The following FIGN variants were observed in gnomAD, a reference collection of about 807,000 sequenced individuals.
FIGN encodes fidgetin, microtubule severing factor, also known as fidgetin.
Under a neutral mutation model 51.3 loss-of-function variants are expected in FIGN, and 11 were observed. The observed-to-expected ratio is 0.21, with a 90% CI of 0.13 to 0.35. The LOEUF (loss-of-function observed/expected upper bound fraction) is 0.35. FIGN is among the 10% of genes least tolerant of loss of function. FIGN has a pLI of 1.00. For synonymous variants in FIGN, 407 were observed against 363.2 expected (o/e 1.12, Z -1.37); for missense variants, 857 against 943.6 (o/e 0.91, Z 1.20).
intron 2 of FIGN, among the ~76,000 whole-genome samples, chr2:163,664,240 T>C (rs902441125): frequency 4.6e-5 from 7 of 152,262 alleles, no homozygotes; most frequent in African/African-American, 1.7e-4. Context: ...AAAAGAACAA[T>C]GACAGTTGAA....
Position 163,611,396 on chromosome 2 carries a change from C to T in FIGN, c.436G>A (p.Ala146Thr). ...ACCCCAGGAGAGCTTCCTATACTCG[C>T]AGAGACATCTGCTGGAGGGAGGGCT... is the stretch of plus-strand genomic sequence containing the variant. ...SSALPPADVS[A>T]SIGSSPGVAS... Residue 146 changes from alanine to threonine, a missense_variant, in exon 3 of 3, where the codon GCG (alanine) becomes ACG (threonine). Physicochemically the swap from Ala to Thr is moderately conservative, Grantham distance 58. Transcript: ENST00000333129. The T allele has an allele frequency of 6.2e-7, 1 of 1,614,150 alleles. No homozygotes were observed. The highest frequency in any genetic ancestry group is 8.5e-7 in the Non-Finnish European group (1 of 1,180,018).
At chr2:163,650,599 T>C (rs538036408) in intron 2 of FIGN, among the ~76,000 whole-genome samples, 21 of 152,086 alleles carry the variant, frequency 1.4e-4, no homozygotes, top group Non-Finnish European at 2.8e-4. Context: ...GTCCATGTGT[T>C]CTCATTGTTC....
chr2:163,722,163 A>G (rs1003041765), intron 2 of FIGN, among the ~76,000 whole-genome samples: 5 of 152,330 alleles, frequency 3.3e-5, no homozygotes, highest in African/African-American at 1.2e-4. Context: ...TATTCAGTAC[A>G]AAATAAATTA....
chr2:163,734,971 C>A lies in FIGN; in HGVS notation c.-44G>T. The A allele has an allele frequency of 6.2e-7, 1 of 1,607,364 alleles. No individual in the cohort carries two copies. The highest frequency in any genetic ancestry group is 1.7e-5 in the Admixed American group (1 of 58,980). On this transcript the variant is annotated 5_prime_UTR_variant, in exon 2 of 3. Transcript: ENST00000333129. The stretch of plus-strand genomic sequence containing the variant: ...AAAGCTGAATTGGATTTCTCACAAG[C>A]AGGAATTCCAAAGGTTGCTTTTCAT...
chr2:163,676,300 T>C (rs897731863), intron 2 of FIGN, among the ~76,000 whole-genome samples: 2 of 151,380 alleles, frequency 1.3e-5, no homozygotes, highest in African/African-American at 4.8e-5. Context: ...TTTAAAAAAT[T>C]AGAGTTCTTC....
chr2:163,695,612 A>G (rs1198080445), intron 2 of FIGN, among the ~76,000 whole-genome samples: 3 of 152,222 alleles, frequency 2.0e-5, no homozygotes, highest in Non-Finnish European at 4.4e-5. Flanking sequence ...AAAGACTATT[A>G]GTAATTACGT....
intron 2 of FIGN, among the ~76,000 whole-genome samples, chr2:163,658,123 C>T (rs562252100): frequency 4.5e-4 from 68 of 152,118 alleles, no homozygotes; most frequent in African/African-American, 1.3e-3. Flanking sequence ...TTGTTGTCTG[C>T]GGAATAGATA....
intron 2 of FIGN, among the ~76,000 whole-genome samples, chr2:163,698,832 C>T (rs951893729): frequency 1.3e-5 from 2 of 152,096 alleles, no homozygotes; most frequent in African/African-American, 2.4e-5. Flanking sequence ...TCATGAAAAT[C>T]ATTTCAGATG....
intron 2 of FIGN, among the ~76,000 whole-genome samples, chr2:163,733,145 G>C (rs192380250): frequency 5.3e-5 from 8 of 152,072 alleles, no homozygotes; most frequent in Admixed American, 2.6e-4. Context: ...TGATAACAAG[G>C]CTCCTAAGTT....
At chr2:163,691,058 G>T (rs1402794050) in intron 2 of FIGN, among the ~76,000 whole-genome samples, 1 of 152,054 alleles carries the variant, frequency 6.6e-6, no homozygotes, top group East Asian at 1.9e-4. Flanking sequence ...TTAGAGTGAG[G>T]ATCATGGGAC....
chr2:163,636,275 T>G (rs1363332317), intron 2 of FIGN, among the ~76,000 whole-genome samples: 1 of 152,122 alleles, frequency 6.6e-6, no homozygotes. Context: ...TTGTTTCTAA[T>G]GGTGATTTTT....
chr2:163,698,840 A>G (rs1684363265), intron 2 of FIGN, among the ~76,000 whole-genome samples: 1 of 152,192 alleles, frequency 6.6e-6, no homozygotes, highest in Non-Finnish European at 1.5e-5. Flanking sequence ...ATCATTTCAG[A>G]TGTTTTAAGT....
At chr2:163,684,674 C>T (rs1433679649) in intron 2 of FIGN, among the ~76,000 whole-genome samples, 1 of 152,188 alleles carries the variant, frequency 6.6e-6, no homozygotes, top group Non-Finnish European at 1.5e-5. Flanking sequence ...CCTCTATGAA[C>T]CACAGGGCTT....
intron 2 of FIGN, among the ~76,000 whole-genome samples, chr2:163,708,515 G>C (rs1684536296): frequency 6.6e-6 from 1 of 152,122 alleles, no homozygotes; most frequent in Non-Finnish European, 1.5e-5. Context: ...CAATCTCTAA[G>C]CCAAATGGTA....
intron 2 of FIGN, among the ~76,000 whole-genome samples, chr2:163,671,682 G>GT (rs1683880136): frequency 6.6e-6 from 1 of 152,112 alleles, no homozygotes; most frequent in Admixed American, 6.6e-5. Flanking sequence ...TTTTCTTGCA[G>GT]TTTTTTGTAA....
chr2:163,612,445 C>T (rs779556084), intron 2 of FIGN: 3 of 985,186 alleles, frequency 3.0e-6, no homozygotes, highest in South Asian at 4.7e-5. Context: ...AAGTGGTCCA[C>T]GACAGTTTCA....
At chr2:163,704,656 T>TCTCTCTCTCTCTCTCA (rs72286438) in intron 2 of FIGN, among the ~76,000 whole-genome samples, 2 of 129,790 alleles carry the variant, frequency 1.5e-5, no homozygotes, top group African/African-American at 3.1e-5. Flanking sequence ...TCTCTCTCTC[T>TCTCTCTCTCTCTCTCA]CACACACACA....
chr2:163,663,454 T>A (rs1355320323), intron 2 of FIGN, among the ~76,000 whole-genome samples: 2 of 151,436 alleles, frequency 1.3e-5, no homozygotes, highest in Non-Finnish European at 2.9e-5. Flanking sequence ...CCTGCCTCAG[T>A]CTCCCAAGTA....
At chr2:163,689,387 G>A (rs535737597) in intron 2 of FIGN, among the ~76,000 whole-genome samples, 1 of 152,082 alleles carries the variant, frequency 6.6e-6, no homozygotes, top group South Asian at 2.1e-4. Context: ...ATCCATATGT[G>A]GTTTAACTTT....
Sources: allele counts gnomAD v4.1 joint callset (sites outside exome capture counted in the v4.1 genomes callset), GRCh38; gene constraint gnomAD v4.1.1; transcripts MANE v1.5; gene names NCBI Gene and HGNC (gene_info 2026-07-23, HGNC 2026-07-21).